Variants in TECPR2 observed in about 807,000 individuals in gnomAD.
TECPR2 encodes the protein tectonin beta-propeller repeat containing 2, also known as tectonin beta-propeller repeat-containing protein 2.
In TECPR2, 65 loss-of-function variants were observed where a neutral mutation model predicts 138.1. The ratio of observed to expected loss-of-function variants is 0.47; its 90% CI spans 0.39 to 0.58. The LOEUF is 0.58. Ranked by LOEUF, TECPR2 falls within the 20% of genes least tolerant of loss-of-function variation. The pLI, the probability that TECPR2 is intolerant of heterozygous loss-of-function variation, is 0.00. For synonymous variants in TECPR2, 746 were observed against 749.8 expected (o/e 0.99, Z 0.08); for missense variants, 1,553 against 1,824.5 (o/e 0.85, Z 2.71).
chr14:102,395,058 C>G (rs1376970443), intron 2 of TECPR2, among the ~76,000 whole-genome samples: 1 of 152,140 alleles, frequency 6.6e-6, no homozygotes, highest in African/African-American at 2.4e-5. Flanking sequence ...CTTGCTGTAG[C>G]TTAAGATCTA....
At chr14:102,441,675 G>T (rs10148952) in intron 11 of TECPR2, among the ~76,000 whole-genome samples, 2 of 151,992 alleles carry the variant, frequency 1.3e-5, no homozygotes, top group African/African-American at 4.8e-5. Flanking sequence ...CTGGTGACAG[G>T]GCGAGACTCC....
rs1252979586 is a variant in TECPR2 at position 102,465,136 on chromosome 14, T to C, written c.3641-5T>C. On this transcript the variant is annotated splice_polypyrimidine_tract_variant and splice_region_variant and intron_variant, in intron 16 of 19. Transcript: ENST00000359520. ...TATAGTGTGTGTACTTTTCTTTATC[T>C]ACAGGAGCTGTAAAATTGACAAGCT... is the stretch of plus-strand genomic sequence containing the variant. 6.2e-7 allele frequency: 1 copy of C among 1,614,084 alleles called. No individual in the cohort carries two copies. The highest frequency in any genetic ancestry group is 1.7e-5 in the Admixed American group (1 of 59,992).
Position 102,428,231 on chromosome 14 carries a change from T to TG in TECPR2, c.952-19_952-18insG, listed in dbSNP as rs760415312. ...TAGTTTTGTGTTTTTTGTTTTTTTTTTTTTTTTTTTTTTGACAGGCCACAG... is the reference window on the plus strand; with the variant it reads ...TAGTTTTGTGTTTTTTGTTTTTTTTTGTTTTTTTTTTTTTGACAGGCCACAG... On this transcript the variant is annotated intron_variant, in intron 6 of 19. Coordinates refer to ENST00000359520, the MANE Select transcript of TECPR2 (RefSeq NM_014844.5). 21 of 1,357,798 alleles carry TG rather than the reference T, an allele frequency of 1.5e-5. No individual in the cohort carries two copies. Among genetic ancestry groups the TG allele is most frequent in the Middle Eastern group, 2.0e-4 (1 of 5,020 alleles). The allele number at this position is 1,357,798 out of a possible 1,614,324, so 84.1% of individuals were successfully genotyped here. A position where few individuals can be genotyped will look rare whatever the true frequency, so the allele number is the denominator to read the frequency against.
chr14:102,424,437 C>T (rs1168495375), intron 5 of TECPR2, among the ~76,000 whole-genome samples: 1 of 152,142 alleles, frequency 6.6e-6, no homozygotes, highest in African/African-American at 2.4e-5. Context: ...CAGGTTCAAG[C>T]GATTCTCCTG....
rs1256562233 is a variant in TECPR2, at chr14:102,376,927, A to G, written c.206A>G (p.Lys69Arg). 6.2e-7 allele frequency: 1 copy of G among 1,613,644 alleles called. No homozygotes were observed. Among genetic ancestry groups the G allele is most frequent in the Non-Finnish European group, 8.5e-7 (1 of 1,179,928 alleles). The change falls in exon 2 of 20, where the codon AAG becomes AGG. Residue 69 changes from lysine (K) to arginine (R), a missense_variant. By Grantham distance (26) the Lys-to-Arg change is conservative. Transcript: ENST00000359520. ...TGCCGGCACCTCAACCAGATGAGGA[A>G]GTACAACTTTGAGGTGAGCCTTGCT... Reference protein sequence around the residue: ...LYCRHLNQMRKYNFEGKTESI... With the variant: ...LYCRHLNQMRRYNFEGKTESI...
intron 2 of TECPR2, among the ~76,000 whole-genome samples, chr14:102,379,100 T>C (rs576121262): frequency 2.8e-4 from 43 of 152,086 alleles, no homozygotes; most frequent in Admixed American, 6.5e-4. Flanking sequence ...AGACACTTTA[T>C]AAGGAAGACT....
At position 102,443,902 on chromosome 14, in the gene TECPR2, G is replaced by A; in HGVS notation, c.2933+75G>A. On this transcript the variant is annotated intron_variant, in intron 12 of 19. Transcript: ENST00000359520. The surrounding 1 kb of genome is among the most constrained non-coding windows in gnomAD (Gnocchi z 4.9). ...GTTCTTGTCCACTTGACACCACAAGGCACCATGAGGCCGTTCCTGGGAGGC... is the reference window on the plus strand; with the variant it reads ...GTTCTTGTCCACTTGACACCACAAGACACCATGAGGCCGTTCCTGGGAGGC... 7.2e-7 allele frequency: 1 copy of A among 1,383,578 alleles called. No homozygotes were observed. 85.7% of individuals were successfully genotyped at this position (1,383,578 alleles called of 1,614,324 possible).
intron 17 of TECPR2, among the ~76,000 whole-genome samples, chr14:102,466,314 G>T (rs144096647): frequency 6.6e-6 from 1 of 152,308 alleles, no homozygotes; most frequent in Admixed American, 6.5e-5. Flanking sequence ...CTCCTCCAGA[G>T]GGTGATGGGG....
intron 2 of TECPR2, among the ~76,000 whole-genome samples, chr14:102,389,117 T>G (rs1390185946): frequency 7.5e-6 from 1 of 132,586 alleles, no homozygotes; most frequent in Non-Finnish European, 1.6e-5. Context: ...GCAACAAGAG[T>G]GAAACTCCAT....
intron 2 of TECPR2, among the ~76,000 whole-genome samples, chr14:102,401,804 CAAAAAAAA>C (rs34413626): frequency 5.8e-5 from 4 of 68,954 alleles, no homozygotes; most frequent in South Asian, 7.4e-4. Flanking sequence ...GACTCCGTCT[CAAAAAAAA>C]AAAAAAAAAA....
At chr14:102,489,853 G>A (rs532023576) in intron 17 of TECPR2, among the ~76,000 whole-genome samples, 86 of 152,120 alleles carry the variant, frequency 5.7e-4, no homozygotes, top group Middle Eastern at 3.4e-3. Context: ...ACAGCTAGCC[G>A]CTCTTGCACT....
At chr14:102,395,882 G>A (rs1301151387) in intron 2 of TECPR2, among the ~76,000 whole-genome samples, 1 of 152,144 alleles carries the variant, frequency 6.6e-6, no homozygotes, top group African/African-American at 2.4e-5. Context: ...AAACATGGTA[G>A]GAATTAGTTT....
intron 11 of TECPR2, among the ~76,000 whole-genome samples, chr14:102,441,822 T>G (rs1416162394): frequency 6.6e-6 from 1 of 152,238 alleles, no homozygotes; most frequent in Non-Finnish European, 1.5e-5. Flanking sequence ...CAGTGTTTAC[T>G]GTCAGCAGAA....
intron 5 of TECPR2, among the ~76,000 whole-genome samples, chr14:102,416,669 A>G (rs1023547561): frequency 3.3e-5 from 5 of 152,222 alleles, no homozygotes; most frequent in Admixed American, 2.0e-4. Flanking sequence ...TGTGGGTCCT[A>G]TTCCCAACAA....
At chr14:102,412,396 G>A (rs949147286) in intron 4 of TECPR2, among the ~76,000 whole-genome samples, 24 of 152,070 alleles carry the variant, frequency 1.6e-4, no homozygotes, top group Admixed American at 1.3e-3. Flanking sequence ...GTCTTCCAAA[G>A]TTCTTGGATT....
intron 2 of TECPR2, among the ~76,000 whole-genome samples, chr14:102,382,419 A>G (rs1400365453): frequency 6.6e-6 from 1 of 152,244 alleles, no homozygotes; most frequent in African/African-American, 2.4e-5. Context: ...CCTTAACAAC[A>G]TAGCTTCACA....
intron 17 of TECPR2, among the ~76,000 whole-genome samples, chr14:102,471,916 G>A (rs931341708): frequency 2.0e-5 from 3 of 152,104 alleles, no homozygotes; most frequent in South Asian, 4.1e-4. Context: ...GCTTGATAGT[G>A]ATATTCCTCT....
intron 17 of TECPR2, among the ~76,000 whole-genome samples, chr14:102,483,375 TTTG>T (rs1340059920): frequency 3.9e-5 from 6 of 152,018 alleles, no homozygotes; most frequent in South Asian, 2.1e-4. Flanking sequence ...TTTTCCTTTT[TTTG>T]TTGTTATGTT....
In TECPR2 at chr14:102,459,266, A is replaced by G. The variant is rs138605558; in HGVS notation, c.3641-5875A>G. On this transcript the variant is annotated intron_variant, in intron 16 of 19. Coordinates refer to ENST00000359520, the MANE Select transcript of TECPR2 (RefSeq NM_014844.5). ...GTCAGGGAAAGTCAGTACTGTTTGC[A>G]GCTCCATTTCTGAGTAACTCTGGGA... 1.8e-3 allele frequency among the ~76,000 whole-genome samples: 279 copies of G among 152,280 alleles called. 2 individuals are homozygous for G. The highest frequency in any genetic ancestry group is 6.1e-3 in the African/African-American group (253 of 41,566).
Sources: gnomAD v4.1 joint callset for allele counts (sites outside exome capture counted in the v4.1 genomes callset) on GRCh38, gnomAD v4.1.1 for gene constraint, Gnocchi (gnomAD v3.1) non-coding constraint, MANE v1.5 for transcripts, NCBI Gene and HGNC (gene_info 2026-07-23, HGNC 2026-07-21) for gene names.